The following TAF15 variants were observed in gnomAD, a reference collection of about 807,000 sequenced individuals.
TAF15 encodes the protein TATA-box binding protein associated factor 15.
TAF15 carries 37 observed loss-of-function variants against 102.5 expected under a neutral mutation model. That is an observed-to-expected ratio of 0.36 (90% CI 0.28 to 0.47). The LOEUF (loss-of-function observed/expected upper bound fraction) is 0.47. Ranked by LOEUF, TAF15 falls within the 20% of genes least tolerant of loss-of-function variation. The pLI is 0.99. For synonymous variants in TAF15, 273 were observed against 259.2 expected (o/e 1.05, Z -0.51); for missense variants, 652 against 760.7 (o/e 0.86, Z 1.68).
Position 35,809,501 on chromosome 17 carries a change from C to T in TAF15, c.-69C>T. On this transcript the variant is annotated 5_prime_UTR_variant, in exon 1 of 16. Transcript: ENST00000605844. ...CCGCCCTCAGTACAGCTCCGGCCGC[C>T]GCGCCGCCTGGCTTTCGTATTCGTT... 1.9e-6 allele frequency: 3 copies of T among 1,608,658 alleles called. No homozygotes were observed. The highest frequency in any genetic ancestry group is 2.5e-6 in the Non-Finnish European group (3 of 1,178,590).
intron 15 of TAF15, among the ~76,000 whole-genome samples, chr17:35,846,052 T>C (rs2087619920): frequency 6.6e-6 from 1 of 152,146 alleles, no homozygotes; most frequent in Non-Finnish European, 1.5e-5. Flanking sequence ...ACACGAATGG[T>C]GTAGAGGCAG....
chr17:35,845,247 G>A (rs944888641), intron 15 of TAF15, among the ~76,000 whole-genome samples: 13 of 151,888 alleles, frequency 8.6e-5, no homozygotes, highest in Non-Finnish European at 1.9e-4. Flanking sequence ...ATTTTTTAGA[G>A]ACAATAAAAA....
In TAF15 at chr17:35,844,073, C is replaced by CTA; in HGVS notation, c.1007-3_1007-2dup. ...ATTTTTCTCCCCTGGCCCCATCCCC[C>CTA]TAGGCCGTGGAGGATATAGAGGTCG... is the stretch of plus-strand genomic sequence containing the variant. On this transcript the variant is annotated splice_region_variant and splice_polypyrimidine_tract_variant and intron_variant, in intron 12 of 15. Coordinates refer to ENST00000605844, the MANE Select transcript of TAF15 (RefSeq NM_139215.3). 1 of 1,614,014 alleles carries CTA rather than the reference C, an allele frequency of 6.2e-7. No individual in the cohort carries two copies. Among genetic ancestry groups the CTA allele is most frequent in the Non-Finnish European group, 8.5e-7 (1 of 1,179,912 alleles).
At chr17:35,823,990 T>C in intron 6 of TAF15, 88 bp from the exon 7 acceptor site, 3 of 1,529,190 alleles carry the variant, frequency 2.0e-6, no homozygotes, top group Non-Finnish European at 2.7e-6. Flanking sequence ...TATAAGGATA[T>C]GTGTGGCCTA....
intron 11 of TAF15, among the ~76,000 whole-genome samples, chr17:35,840,587 C>T (rs553824682): frequency 6.6e-6 from 1 of 151,472 alleles, no homozygotes; most frequent in East Asian, 2.0e-4. Context: ...GATTGTAGGC[C>T]AGGCGTGGTG....
intron 1 of TAF15, among the ~76,000 whole-genome samples, chr17:35,815,029 A>G (rs118176497): frequency 1.8e-4 from 27 of 152,340 alleles, no homozygotes; most frequent in Non-Finnish European, 2.2e-4. Flanking sequence ...TATGAGTGAT[A>G]CAACTAATGA....
chr17:35,825,278 T>C (rs1040402447), intron 7 of TAF15, among the ~76,000 whole-genome samples: 1 of 152,232 alleles, frequency 6.6e-6, no homozygotes, highest in East Asian at 1.9e-4. Flanking sequence ...GTTATAAGAC[T>C]TGGACATTAA....
Position 35,834,087 on chromosome 17 carries a change from A to G in TAF15, c.640+146A>G, listed in dbSNP as rs1252729229. On this transcript the variant is annotated intron_variant, in intron 8 of 15. Transcript: ENST00000605844. ...GTGCTTTAAAAAAAATTTTATATAT[A>G]TATATATACACATATATATATCAAA... 5.5e-5 allele frequency: 29 copies of G among 522,634 alleles called. No individual in the cohort carries two copies. The East Asian group carries it at 8.8e-4, about 16-fold the overall frequency. 32.4% of individuals were successfully genotyped at this position (522,634 alleles called of 1,614,324 possible).
chr17:35,844,453 A>T (rs1175797106), intron 14 of TAF15, 24 bp from the exon 15 acceptor site: 1 of 1,613,018 alleles, frequency 6.2e-7, no homozygotes, highest in Non-Finnish European at 8.5e-7. Flanking sequence ...TGCTGGCCTC[A>T]TTGTTTGCAT....
rs1467933209 is a variant in TAF15, at chr17:35,822,676, CTA to C, written c.329_330del (p.Tyr110TrpfsTer7). Reference protein sequence around the residue: ...GRAPSYDQPDYGQQDSYDQQS... With the variant: ...GRAPSYDQPDXGQQDSYDQQS... ...GAGCACCTTCCTATGACCAGCCAGACTATGGTCAACAAGATTCATATGACCAG... is the reference window on the plus strand; with the variant it reads ...GAGCACCTTCCTATGACCAGCCAGACTGGTCAACAAGATTCATATGACCAG... On this transcript the variant is annotated frameshift_variant, in exon 6 of 16. Transcript: ENST00000605844. LOFTEE classifies it high-confidence loss of function. The C allele has an allele frequency of 6.2e-7, 1 of 1,613,998 alleles. No homozygotes were observed. The highest frequency in any genetic ancestry group is 1.3e-5 in the African/African-American group (1 of 74,890).
Position 35,822,785 on chromosome 17 carries a change from C to A in TAF15, c.436C>A (p.Gln146Lys), listed in dbSNP as rs762891086. 25 of 1,614,024 alleles carry A rather than the reference C, an allele frequency of 1.5e-5. No individual in the cohort carries two copies. Among genetic ancestry groups the A allele is most frequent in the Non-Finnish European group, 2.0e-5 (24 of 1,180,032 alleles). ...DQQHDSYSQN[Q>K]QSYHSQRENY... Reference sequence around the variant, plus strand: ...GCAGCATGATTCCTATAGTCAAAACCAGCAGTCCTATCATTCACAAAGGGA... The same window carrying A: ...GCAGCATGATTCCTATAGTCAAAACAAGCAGTCCTATCATTCACAAAGGGA... Residue 146 changes from glutamine (Q) to lysine (K), a missense_variant, in exon 6 of 16, where the codon CAG becomes AAG. Transcript: ENST00000605844.
rs2087097507 is a variant in TAF15, at chr17:35,809,485, G to A, written c.-85G>A. The A allele has an allele frequency of 1.3e-6, 2 of 1,594,892 alleles. No individual in the cohort carries two copies. The highest frequency in any genetic ancestry group is 2.7e-5 in the African/African-American group (2 of 74,574). The stretch of plus-strand genomic sequence containing the variant: ...GCCTCAGCCCGCCGCGCCGCCCTCA[G>A]TACAGCTCCGGCCGCCGCGCCGCCT... On this transcript the variant is annotated 5_prime_UTR_variant, in exon 1 of 16. Transcript: ENST00000605844.
At chr17:35,836,817 C>G (rs2087480629) in intron 10 of TAF15, among the ~76,000 whole-genome samples, 1 of 151,492 alleles carries the variant, frequency 6.6e-6, no homozygotes, top group Non-Finnish European at 1.5e-5. Flanking sequence ...CTCACTGTTT[C>G]ACCAGGCTGG....
intron 6 of TAF15, 37 bp from the exon 7 acceptor site, chr17:35,824,041 G>A (rs764021525): frequency 6.2e-7 from 1 of 1,613,984 alleles, no homozygotes; most frequent in Non-Finnish European, 8.5e-7. Flanking sequence ...TTAGAAATGA[G>A]AGTGGTTATT....
intron 8 of TAF15, 39 bp downstream of exon 8, chr17:35,833,980 C>T (rs2087438760): frequency 6.2e-7 from 1 of 1,608,728 alleles, no homozygotes; most frequent in Non-Finnish European, 8.5e-7. Context: ...AGTGGAAATG[C>T]TATATAAATC....
At chr17:35,813,690 T>G (rs1264318850) in intron 1 of TAF15, among the ~76,000 whole-genome samples, 1 of 138,872 alleles carries the variant, frequency 7.2e-6, no homozygotes, top group Non-Finnish European at 1.5e-5. Flanking sequence ...AAAACTCCTG[T>G]CATACATCTA....
intron 2 of TAF15, among the ~76,000 whole-genome samples, chr17:35,819,754 C>T (rs1385949671): frequency 6.6e-6 from 1 of 152,168 alleles, no homozygotes; most frequent in African/African-American, 2.4e-5. Flanking sequence ...TTTTCTAGCT[C>T]TTACCAAGTT....
Position 35,809,500 on chromosome 17 carries a change from C to A in TAF15, c.-70C>A. ...GCCGCCCTCAGTACAGCTCCGGCCG[C>A]CGCGCCGCCTGGCTTTCGTATTCGT... On this transcript the variant is annotated 5_prime_UTR_variant, in exon 1 of 16. Coordinates refer to ENST00000605844, the MANE Select transcript of TAF15 (RefSeq NM_139215.3). 1 of 1,608,074 alleles carries A rather than the reference C, an allele frequency of 6.2e-7. No individual in the cohort carries two copies. The highest frequency in any genetic ancestry group is 8.5e-7 in the Non-Finnish European group (1 of 1,178,294).
chr17:35,829,801 T>G (rs1365714160), intron 7 of TAF15, among the ~76,000 whole-genome samples: 2 of 152,172 alleles, frequency 1.3e-5, no homozygotes, highest in African/African-American at 4.8e-5. Context: ...TGTGGGCTGC[T>G]CGTTGTGGTT....
Sources: gnomAD v4.1 joint callset for allele counts (sites outside exome capture counted in the v4.1 genomes callset) on GRCh38, gnomAD v4.1.1 for gene constraint, MANE v1.5 for transcripts, NCBI Gene and HGNC (gene_info 2026-07-23, HGNC 2026-07-21) for gene names.